Variants in ITIH5 observed in about 807,000 individuals in gnomAD.
ITIH5 encodes inter-alpha-trypsin inhibitor heavy chain H5.
A neutral mutation model predicts 77.5 loss-of-function variants in ITIH5; 65 were observed. The observed-to-expected ratio is 0.84, with a 90% CI of 0.69 to 1.03. The LOEUF (loss-of-function observed/expected upper bound fraction) is 1.03. Among genes scored for constraint, ITIH5 ranks in the 50% least tolerant of loss-of-function variants. The pLI is 0.00. For missense variants in ITIH5, 1,208 were observed against 1,213.1 expected, an observed-to-expected ratio of 1.00 and a Z score of 0.06; for synonymous variants, 525 against 494.3, an observed-to-expected ratio of 1.06 and a Z score of -0.82.
In ITIH5 at chr10:7,576,859, A is replaced by G. The variant is rs769865578; in HGVS notation, c.1572T>C (p.Asp524=). The G allele has an allele frequency of 6.2e-7, 1 of 1,613,956 alleles. No homozygotes were observed. Among genetic ancestry groups the G allele is most frequent in the African/African-American group, 1.3e-5 (1 of 74,880 alleles). The change falls in exon 10 of 14, where the codon GAT becomes GAC. Residue 524 remains aspartate (D), a synonymous_variant. Coordinates refer to ENST00000397146, the MANE Select transcript of ITIH5 (RefSeq NM_030569.7). ...IAGKLVDRKL[D]HLHVEVTASN... is the part of the protein sequence containing the mutation. ...TGGCGGTGACCTCCACGTGCAGGTG[A>G]TCCAGCTTCCTGTCCACCAGCTTCC...
chr10:7,607,368 C>T (rs945025122), intron 7 of ITIH5, among the ~76,000 whole-genome samples: 136 of 152,280 alleles, frequency 8.9e-4, no homozygotes, highest in African/African-American at 3.1e-3. Flanking sequence ...ATCTGGGGGC[C>T]GGGCGTGGTG....
intron 7 of ITIH5, among the ~76,000 whole-genome samples, chr10:7,611,105 G>T (rs565891975): frequency 6.6e-6 from 1 of 152,188 alleles, no homozygotes; most frequent in Non-Finnish European, 1.5e-5. Flanking sequence ...CCTTCTTGCC[G>T]CAACCACACT....
Position 7,666,846 on chromosome 10 carries a change from C to A in ITIH5, c.47G>T (p.Gly16Val). 1 of 1,609,406 alleles carries A rather than the reference C, an allele frequency of 6.2e-7. No homozygotes were observed. Among genetic ancestry groups the A allele is most frequent in the Non-Finnish European group, 8.5e-7 (1 of 1,178,384 alleles). The part of the protein sequence containing the change: ...GLCLGLSLCV[G>V]SQEEAQSWGH... ...CCAGCTCTGCGCCTCTTCCTGCGAC[C>A]CCACACACAGGGACAGCCCCAGGCA... The change falls in exon 1 of 14, where the codon GGG becomes GTG. Residue 16 changes from glycine (G) to valine (V), a missense_variant. Transcript: ENST00000397146.
chr10:7,644,369 CAT>C (rs1196127066), intron 2 of ITIH5, among the ~76,000 whole-genome samples: 4 of 142,340 alleles, frequency 2.8e-5, no homozygotes, highest in African/African-American at 5.2e-5. Flanking sequence ...ATATATATCA[CAT>C]ATATATCACA....
In ITIH5 at chr10:7,564,457, T is replaced by C. The variant is rs1832100175; in HGVS notation, c.2528-1073A>G. ...AGATTATAATAGCATATTTTTAGTG[T>C]ACCTTTTCTATGTCTAGATATGTTT... On this transcript the variant is annotated intron_variant, in intron 13 of 13. Transcript: ENST00000397146. 2.0e-5 allele frequency among the ~76,000 whole-genome samples: 3 copies of C among 152,226 alleles called. No individual in the cohort carries two copies. In the South Asian group the frequency reaches 6.2e-4, roughly 31 times the overall value.
chr10:7,600,965 G>A (rs776514630), intron 7 of ITIH5, among the ~76,000 whole-genome samples: 3 of 152,200 alleles, frequency 2.0e-5, no homozygotes, highest in South Asian at 2.1e-4. Context: ...AATAGATTTC[G>A]TTGTTTATAA....
intron 2 of ITIH5, among the ~76,000 whole-genome samples, chr10:7,646,101 G>A (rs1834005483): frequency 6.6e-6 from 1 of 152,110 alleles, no homozygotes; most frequent in African/African-American, 2.4e-5. Context: ...TATAAGAAAT[G>A]CCCCACGGCT....
intron 5 of ITIH5, chr10:7,619,295 T>C (rs1444655764): frequency 6.6e-6 from 1 of 152,586 alleles, no homozygotes; most frequent in Non-Finnish European, 1.5e-5. Flanking sequence ...CGCACGATCA[T>C]GGTCAGAAAC....
At chr10:7,582,281 G>A (rs1424927658) in intron 8 of ITIH5, among the ~76,000 whole-genome samples, 1 of 152,162 alleles carries the variant, frequency 6.6e-6, no homozygotes, top group Non-Finnish European at 1.5e-5. Context: ...GATAGGAGCT[G>A]AACAAGTATT....
At chr10:7,628,707 G>A (rs879264779) in intron 5 of ITIH5, among the ~76,000 whole-genome samples, 12,736 of 127,968 alleles carry the variant, frequency 0.1, 1,049 homozygotes, top group Non-Finnish European at 0.15. Flanking sequence ...TGCAGCGTGT[G>A]TCCATGTTGT....
chr10:7,632,914 T>C (rs769402256), intron 5 of ITIH5, among the ~76,000 whole-genome samples: 1 of 152,242 alleles, frequency 6.6e-6, no homozygotes, highest in Non-Finnish European at 1.5e-5. Flanking sequence ...AAAAAAAGTA[T>C]TGGAATCATG....
At position 7,585,944 on chromosome 10, in the gene ITIH5, G is replaced by T; in HGVS notation, c.1065C>A (p.Ile355=). Residue 355 remains isoleucine (I), a synonymous_variant, in exon 8 of 14, where the codon ATC becomes ATA. Transcript: ENST00000397146. Reference sequence around the variant, plus strand: ...GGTGAATGTACACTTTCCCATCCCTGATGCTGTCTGGAGTGACTGATATCA... The same window carrying T: ...GGTGAATGTACACTTTCCCATCCCTTATGCTGTCTGGAGTGACTGATATCA... ...DHLISVTPDS[I]RDGKVYIHHM... The T allele has an allele frequency of 6.2e-7, 1 of 1,613,922 alleles. No homozygotes were observed. The highest frequency in any genetic ancestry group is 1.3e-5 in the African/African-American group (1 of 74,976).
At chr10:7,644,246 AAT>A (rs1371322822) in intron 2 of ITIH5, among the ~76,000 whole-genome samples, 2,488 of 147,308 alleles carry the variant, frequency 0.017, 51 homozygotes, top group African/African-American at 0.045. Context: ...ACAGAAAAAA[AAT>A]ATATATATAT....
At chr10:7,666,232 A>G (rs1834358564) in intron 1 of ITIH5, among the ~76,000 whole-genome samples, 1 of 152,092 alleles carries the variant, frequency 6.6e-6, no homozygotes, top group Non-Finnish European at 1.5e-5. Flanking sequence ...CATTTGAAAC[A>G]CAAATCCTGA....
intron 5 of ITIH5, among the ~76,000 whole-genome samples, chr10:7,633,456 A>G (rs975868907): frequency 6.6e-6 from 1 of 152,204 alleles, no homozygotes; most frequent in Non-Finnish European, 1.5e-5. Flanking sequence ...ATATTTAGGA[A>G]GAGAGTTGGA....
intron 7 of ITIH5, among the ~76,000 whole-genome samples, chr10:7,589,068 G>T (rs1832740525): frequency 6.6e-6 from 1 of 152,238 alleles, no homozygotes; most frequent in African/African-American, 2.4e-5. Flanking sequence ...TCTCTTCCAA[G>T]TCCCTGTATG....
chr10:7,571,519 C>G (rs112476052), intron 11 of ITIH5: 1 of 152,144 alleles, frequency 6.6e-6, no homozygotes, highest in East Asian at 1.9e-4. Flanking sequence ...TGGGTTCAAG[C>G]GATTCTCCTG....
intron 11 of ITIH5, chr10:7,572,188 C>T (rs898701736): frequency 3.2e-5 from 38 of 1,205,498 alleles, no homozygotes; most frequent in Admixed American, 6.9e-5. Context: ...AGCTCATCTC[C>T]GGGATGTCCC....
At chr10:7,599,791 T>G (rs956063714) in intron 7 of ITIH5, among the ~76,000 whole-genome samples, 4 of 152,082 alleles carry the variant, frequency 2.6e-5, no homozygotes, top group African/African-American at 9.7e-5. Flanking sequence ...TATCCACAAA[T>G]GTAGATTGTA....
Sources: gnomAD v4.1 joint callset for allele counts (sites outside exome capture counted in the v4.1 genomes callset) on GRCh38, gnomAD v4.1.1 for gene constraint, MANE v1.5 for transcripts, NCBI Gene and HGNC (gene_info 2026-07-23, HGNC 2026-07-21) for gene names.